Variants in CDH18 observed in about 807,000 individuals in gnomAD.
CDH18 encodes the protein cadherin-18.
Under a neutral mutation model 67.9 loss-of-function variants are expected in CDH18, and 31 were observed. The observed-to-expected ratio is 0.46, with a 90% CI of 0.34 to 0.62. The LOEUF is 0.62. Ranked by LOEUF, CDH18 falls within the 20% of genes least tolerant of loss-of-function variation. The probability of loss-of-function intolerance (pLI) is 0.01; values close to 1 mark genes in which losing one functional copy is unlikely to be tolerated. For missense variants in CDH18, 890 were observed against 975.5 expected (o/e 0.91, Z 1.17); for synonymous variants, 362 against 347.2 (o/e 1.04, Z -0.48).
intron 5 of CDH18, among the ~76,000 whole-genome samples, chr5:19,675,407 C>T (rs183929518): frequency 1.3e-3 from 193 of 152,098 alleles, no homozygotes; most frequent in African/African-American, 3.9e-3. Context: ...CATCCCTTAA[C>T]GACAAACGTA....
At chr5:19,732,702 T>A (rs1347892928) in intron 4 of CDH18, among the ~76,000 whole-genome samples, 1 of 152,178 alleles carries the variant, frequency 6.6e-6, no homozygotes, top group Non-Finnish European at 1.5e-5. Flanking sequence ...CACCTAAGAT[T>A]TAATTTGTTT....
chr5:20,329,237 A>G (rs1363084325), intron 1 of CDH18, among the ~76,000 whole-genome samples: 2 of 152,176 alleles, frequency 1.3e-5, no homozygotes, highest in East Asian at 3.9e-4. Flanking sequence ...AGGAACAAAG[A>G]GAATGAACGA....
intron 5 of CDH18, among the ~76,000 whole-genome samples, chr5:19,671,845 C>T (rs1758795345): frequency 6.6e-6 from 1 of 151,980 alleles, no homozygotes; most frequent in African/African-American, 2.4e-5. Context: ...TAAGGCAGGC[C>T]AAAAGCATTA....
At chr5:19,498,701 A>G (rs2126727163) in intron 11 of CDH18, among the ~76,000 whole-genome samples, 1 of 152,238 alleles carries the variant, frequency 6.6e-6, no homozygotes, top group South Asian at 2.1e-4. Flanking sequence ...CTCTAACTTT[A>G]ATTTCCACTT....
At chr5:19,806,652 T>C (rs551759046) in intron 3 of CDH18, among the ~76,000 whole-genome samples, 284 of 152,308 alleles carry the variant, frequency 1.9e-3, no homozygotes, top group African/African-American at 6.5e-3. Context: ...TCATAATGCA[T>C]TATATAGCCC....
chr5:20,274,867 T>G (rs182432417), intron 1 of CDH18, among the ~76,000 whole-genome samples: 23 of 152,190 alleles, frequency 1.5e-4, no homozygotes, highest in African/African-American at 5.1e-4. Context: ...GGGTGAAAAT[T>G]TAATATACTA....
intron 3 of CDH18, among the ~76,000 whole-genome samples, chr5:19,801,830 C>T (rs1581411493): frequency 1.3e-5 from 2 of 152,246 alleles, no homozygotes. Context: ...AGCTGCATTA[C>T]TTATTGACAG....
intron 5 of CDH18, among the ~76,000 whole-genome samples, chr5:19,713,290 G>A (rs1432067080): frequency 6.6e-6 from 1 of 152,022 alleles, no homozygotes; most frequent in Non-Finnish European, 1.5e-5. Context: ...TAGCGAATTA[G>A]ATGATTTTTT....
At chr5:19,480,005 C>A (rs1161848828) in intron 12 of CDH18, among the ~76,000 whole-genome samples, 1 of 152,148 alleles carries the variant, frequency 6.6e-6, no homozygotes, top group Non-Finnish European at 1.5e-5. Flanking sequence ...TGCACCTCAA[C>A]ATGTACCTAG....
chr5:19,927,589 A>T (rs900092582), intron 2 of CDH18, among the ~76,000 whole-genome samples: 4 of 152,186 alleles, frequency 2.6e-5, no homozygotes, highest in Non-Finnish European at 4.4e-5. Context: ...AAGCACATAT[A>T]TATAAATTAT....
At chr5:20,496,157 T>C (rs1231948702) in intron 1 of CDH18, among the ~76,000 whole-genome samples, 1 of 152,118 alleles carries the variant, frequency 6.6e-6, no homozygotes, top group African/African-American at 2.4e-5. Context: ...GAAAGTAATT[T>C]AGGTCAACAC....
chr5:19,971,840 T>G (rs1010680889), intron 2 of CDH18, among the ~76,000 whole-genome samples: 5 of 135,066 alleles, frequency 3.7e-5, no homozygotes, highest in African/African-American at 1.4e-4. Context: ...GCCTCTAAAC[T>G]TAAACGTTAA....
intron 6 of CDH18, among the ~76,000 whole-genome samples, chr5:19,607,908 CTA>C (rs1748322442): frequency 6.6e-6 from 1 of 151,516 alleles, no homozygotes; most frequent in Admixed American, 6.6e-5. Context: ...ATTATTAGAA[CTA>C]TAGACATATA....
intron 1 of CDH18, among the ~76,000 whole-genome samples, chr5:20,562,230 C>T (rs1758260853): frequency 6.6e-6 from 1 of 151,604 alleles, no homozygotes; most frequent in Non-Finnish European, 1.5e-5. Flanking sequence ...CTAATAAATT[C>T]TTGGAAATAG....
At chr5:20,261,632 T>C (rs2126634537) in intron 1 of CDH18, among the ~76,000 whole-genome samples, 1 of 152,046 alleles carries the variant, frequency 6.6e-6, no homozygotes, top group South Asian at 2.1e-4. Context: ...TCCCAGCTAC[T>C]TGGGAGGAGA....
At position 20,544,142 on chromosome 5, in the gene CDH18, C is replaced by G. The variant is rs145849737; in HGVS notation, c.-580+31320G>C. 3.7e-3 allele frequency among the ~76,000 whole-genome samples: 564 copies of G among 152,152 alleles called. 8 individuals are homozygous for G. Among genetic ancestry groups the G allele is most frequent in the African/African-American group, 0.013 (540 of 41,506 alleles). On this transcript the variant is annotated intron_variant, in intron 1 of 14. Coordinates refer to the CDH18 transcript ENST00000507958. The stretch of plus-strand genomic sequence containing the variant: ...GAATCTGTTTCCCTCTTTGTCCTGC[C>G]AGATTTGATTGTGGCCAAACATATT...
chr5:20,499,847 T>C lies in CDH18; in HGVS notation c.-580+75615A>G, dbSNP rs114986932. On this transcript the variant is annotated intron_variant, in intron 1 of 14. Transcript: ENST00000507958. ...GGACAAATAATTTAAATTTGCTGTA[T>C]ACTGACAAATTGCCATTCCAAGTAT... Among the ~76,000 whole-genome samples, 1,509 of 152,280 alleles carry C rather than the reference T, an allele frequency of 9.9e-3. 19 individuals are homozygous for C. The highest frequency in any genetic ancestry group is 0.034 in the African/African-American group (1,424 of 41,564).
intron 1 of CDH18, among the ~76,000 whole-genome samples, chr5:20,407,800 G>T (rs188465425): frequency 5.9e-5 from 9 of 151,888 alleles, no homozygotes; most frequent in Admixed American, 5.9e-4. Flanking sequence ...ACACATTAGA[G>T]TTCCAGAAGA....
At chr5:20,011,391 C>T (rs1737423120) in intron 2 of CDH18, among the ~76,000 whole-genome samples, 2 of 152,102 alleles carry the variant, frequency 1.3e-5, no homozygotes, top group African/African-American at 4.8e-5. Flanking sequence ...GGGATCATGT[C>T]ATCTGCAAAC....
Sources: allele counts gnomAD v4.1 joint callset (sites outside exome capture counted in the v4.1 genomes callset), GRCh38; gene constraint gnomAD v4.1.1; transcripts MANE v1.5; gene names NCBI Gene and HGNC (gene_info 2026-07-23, HGNC 2026-07-21).